GPR153: variants seen among roughly 807,000 people sequenced by gnomAD.
GPR153 encodes the protein probable G protein-coupled receptor 153.
In GPR153, 27 loss-of-function variants were observed where a neutral mutation model predicts 34.1. That is an observed-to-expected ratio of 0.79 (90% CI 0.58 to 1.09). The LOEUF is 1.09. GPR153 is among the 50% of genes least tolerant of loss of function. The pLI is 0.00. For synonymous variants in GPR153, 408 were observed against 405.4 expected (o/e 1.01, Z -0.08); for missense variants, 848 against 860.2 (o/e 0.99, Z 0.18).
At chr1:6,258,188 G>T (rs1186796173) in intron 1 of GPR153, among the ~76,000 whole-genome samples, 2 of 152,076 alleles carry the variant, frequency 1.3e-5, no homozygotes, top group African/African-American at 4.8e-5. Context: ...ATTACCCAGG[G>T]TGGATCTCGG....
rs1177896002 is a variant in GPR153, at chr1:6,249,075, G to A, written c.*263C>T. 8.8e-6 allele frequency: 3 copies of A among 342,442 alleles called. No individual in the cohort carries two copies. The highest frequency in any genetic ancestry group is 7.7e-4 in the Middle Eastern group (1 of 1,306). 21.2% of individuals were successfully genotyped at this position (342,442 alleles called of 1,614,324 possible). A position where few individuals can be genotyped will look rare whatever the true frequency, so the allele number is the denominator to read the frequency against. On this transcript the variant is annotated 3_prime_UTR_variant, in exon 6 of 6. Coordinates refer to ENST00000377893, the MANE Select transcript of GPR153 (RefSeq NM_207370.4). This position sits in a 1 kb window ranked among gnomAD's most constrained non-coding sequence, Gnocchi z 4.3. ...CATGTCACTCACTACCCAAGCCCAAGCTTGGGATGTCACTCAGCTCCCCAG... is the reference window on the plus strand; with the variant it reads ...CATGTCACTCACTACCCAAGCCCAAACTTGGGATGTCACTCAGCTCCCCAG...
chr1:6,249,353 C>G lies in GPR153; in HGVS notation c.1815G>C (p.Leu605=). Residue 605 remains leucine (L), a synonymous_variant, in exon 6 of 6, where the codon CTG becomes CTC. Transcript: ENST00000377893. The surrounding 1 kb of genome is among the most constrained non-coding windows in gnomAD (Gnocchi z 4.3). ...GCCGGCGGTCCTAGGACGCGGAGCCCAGCGAGTCCGAGTGCAGCGTGGCGT... is the reference window on the plus strand; with the variant it reads ...GCCGGCGGTCCTAGGACGCGGAGCCGAGCGAGTCCGAGTGCAGCGTGGCGT... ...SGYATLHSDS[L]GSAS is the part of the protein sequence containing the mutation. The G allele has an allele frequency of 7.6e-7, 1 of 1,321,600 alleles. No homozygotes were observed. The highest frequency in any genetic ancestry group is 3.0e-5 in the East Asian group (1 of 32,944). 81.9% of individuals were successfully genotyped at this position (1,321,600 alleles called of 1,614,324 possible). A position where few individuals can be genotyped will look rare whatever the true frequency, so the allele number is the denominator to read the frequency against.
intron 1 of GPR153, among the ~76,000 whole-genome samples, chr1:6,257,382 G>A (rs1638589336): frequency 6.6e-6 from 1 of 152,216 alleles, no homozygotes. Context: ...CCTGAGAGGG[G>A]GCAGGCAGTC....
At chr1:6,256,163 G>T (rs947730213) in intron 1 of GPR153, among the ~76,000 whole-genome samples, 1 of 152,044 alleles carries the variant, frequency 6.6e-6, no homozygotes, top group African/African-American at 2.4e-5. Flanking sequence ...TTCCAGGAGT[G>T]AGTTCTCTCT....
Position 6,251,762 on chromosome 1 carries a change from C to T in GPR153, c.787-232G>A, listed in dbSNP as rs1638454470. Among the ~76,000 whole-genome samples, 1 of 152,184 alleles carries T rather than the reference C, an allele frequency of 6.6e-6. No homozygotes were observed. Among genetic ancestry groups the T allele is most frequent in the African/African-American group, 2.4e-5 (1 of 41,446 alleles). Reference sequence around the variant, plus strand: ...TGGCCTTGCTCTGTCTTCCTCCTGGCTGCCCATGGAGAGAAGTGGGGCATG... The same window carrying T: ...TGGCCTTGCTCTGTCTTCCTCCTGGTTGCCCATGGAGAGAAGTGGGGCATG... On this transcript the variant is annotated intron_variant, in intron 3 of 5. Coordinates refer to ENST00000377893, the MANE Select transcript of GPR153 (RefSeq NM_207370.4). The surrounding 1 kb of genome is among the most constrained non-coding windows in gnomAD (Gnocchi z 4.9).
chr1:6,253,645 C>T, intron 3 of GPR153, 73 bp downstream of exon 3: 1 of 1,344,002 alleles, frequency 7.4e-7, no homozygotes, highest in South Asian at 1.5e-5. Context: ...GACTCAACCA[C>T]CTGATGCCTG....
chr1:6,249,550 G>T lies in GPR153; in HGVS notation c.1618C>A (p.Pro540Thr). The change falls in exon 6 of 6, where the codon CCC becomes ACC. Residue 540 changes from proline to threonine, a missense_variant. Transcript: ENST00000377893. This position sits in a 1 kb window ranked among gnomAD's most constrained non-coding sequence, Gnocchi z 4.3. Reference sequence around the variant, plus strand: ...GGGCTCCGCTGGGCGCTGCTTGGGGGCGTCGGGGCCTCTCCGGGATCTGCG... The same window carrying T: ...GGGCTCCGCTGGGCGCTGCTTGGGGTCGTCGGGGCCTCTCCGGGATCTGCG... Reference protein sequence around the residue: ...DGADPGEAPTPPSSAQRSPGP... With the variant: ...DGADPGEAPTTPSSAQRSPGP... 2 of 1,194,976 alleles carry T rather than the reference G, an allele frequency of 1.7e-6. No homozygotes were observed. Among genetic ancestry groups the T allele is most frequent in the Admixed American group, 9.0e-5 (2 of 22,244 alleles). 74.0% of individuals were successfully genotyped at this position (1,194,976 alleles called of 1,614,324 possible). A position where few individuals can be genotyped will look rare whatever the true frequency, so the allele number is the denominator to read the frequency against.
chr1:6,254,183 G>A (rs370178416), intron 2 of GPR153, 36 bp from the exon 3 acceptor site: 116 of 1,572,132 alleles, frequency 7.4e-5, no homozygotes, highest in Non-Finnish European at 9.3e-5. Flanking sequence ...GGGATCTGGC[G>A]TCACCCACAG....
At position 6,249,717 on chromosome 1, in the gene GPR153, C is replaced by T; in HGVS notation, c.1451G>A (p.Arg484His). Reference protein sequence around the residue: ...GARDSPPGSPRRRPGPGPRSA... With the variant: ...GARDSPPGSPHRRPGPGPRSA... ...GCGGGGGCCGGGCCCGGGGCGGCGG[C>T]GCGGGCTGCCGGGGGGCGAGTCGCG... is the stretch of plus-strand genomic sequence containing the variant. Residue 484 changes from arginine to histidine, a missense_variant, in exon 6 of 6, where the codon CGC becomes CAC. Arg to His is a conservative substitution (Grantham distance 29, BLOSUM62 0). Transcript: ENST00000377893. The surrounding 1 kb of genome is among the most constrained non-coding windows in gnomAD (Gnocchi z 4.3). 1 of 1,035,574 alleles carries T rather than the reference C, an allele frequency of 9.7e-7. No individual in the cohort carries two copies. The highest frequency in any genetic ancestry group is 1.2e-6 in the Non-Finnish European group (1 of 864,908). 64.1% of individuals were successfully genotyped at this position (1,035,574 alleles called of 1,614,324 possible). A position where few individuals can be genotyped will look rare whatever the true frequency, so the allele number is the denominator to read the frequency against.
Position 6,249,590 on chromosome 1 carries a change from G to C in GPR153, c.1578C>G (p.Pro526=), listed in dbSNP as rs1028554828. 239 of 1,160,588 alleles carry C rather than the reference G, an allele frequency of 2.1e-4. No individual in the cohort carries two copies. The African/African-American group carries it at 3.6e-3, about 17-fold the overall frequency. The allele number at this position is 1,160,588 out of a possible 1,614,324, so 71.9% of individuals were successfully genotyped here. The change falls in exon 6 of 6, where the codon CCC becomes CCG. Residue 526 remains proline (P), a synonymous_variant. Transcript: ENST00000377893. The surrounding 1 kb of genome is among the most constrained non-coding windows in gnomAD (Gnocchi z 4.3). ...CGGGATCTGCGCCGTCGGGGGCGGCGGGCGCAGCGGGGAAGGGCCCGGGCG... is the reference window on the plus strand; with the variant it reads ...CGGGATCTGCGCCGTCGGGGGCGGCCGGCGCAGCGGGGAAGGGCCCGGGCG... ...RRPPGPFPAA[P]AAPDGADPGE...
chr1:6,250,643 G>A lies in GPR153; in HGVS notation c.980-19C>T. 1 of 184,312 alleles carries A rather than the reference G, an allele frequency of 5.4e-6. No homozygotes were observed. The highest frequency in any genetic ancestry group is 2.1e-4 in the East Asian group (1 of 4,764). The allele number at this position is 184,312 out of a possible 1,614,324, so 11.4% of individuals were successfully genotyped here. A position where few individuals can be genotyped will look rare whatever the true frequency, so the allele number is the denominator to read the frequency against. On this transcript the variant is annotated intron_variant, in intron 4 of 5. Transcript: ENST00000377893. ...CTGGTCTCTGTAGGGTGGGGGGTGGGTGGGGGGGCAGAGCCTTAGGGTCAT... is the reference window on the plus strand; with the variant it reads ...CTGGTCTCTGTAGGGTGGGGGGTGGATGGGGGGGCAGAGCCTTAGGGTCAT...
In GPR153 at chr1:6,247,733, G is replaced by A. The variant is rs1638332586; in HGVS notation, c.*1605C>T. Reference sequence around the variant, plus strand: ...AGACACTGGCTAGCTGGCGACCTCTGCCCCTACGTAACTTGTCAGTCCTTG... The same window carrying A: ...AGACACTGGCTAGCTGGCGACCTCTACCCCTACGTAACTTGTCAGTCCTTG... On this transcript the variant is annotated 3_prime_UTR_variant, in exon 6 of 6. Transcript: ENST00000377893. The A allele has an allele frequency of 6.6e-6, 1 of 152,288 alleles. No individual in the cohort carries two copies. The highest frequency in any genetic ancestry group is 2.1e-4 in the South Asian group (1 of 4,832). The allele number at this position is 152,288 out of a possible 1,614,324, so 9.4% of individuals were successfully genotyped here. A position where few individuals can be genotyped will look rare whatever the true frequency, so the allele number is the denominator to read the frequency against.
intron 1 of GPR153, among the ~76,000 whole-genome samples, chr1:6,260,180 T>C (rs559853930): frequency 3.3e-5 from 5 of 152,028 alleles, no homozygotes; most frequent in Non-Finnish European, 5.9e-5. Context: ...ACCCAGAACT[T>C]GAAAGGATTC....
intron 5 of GPR153, 66 bp from the exon 6 acceptor site, chr1:6,250,069 C>A: frequency 7.9e-7 from 1 of 1,267,228 alleles, no homozygotes; most frequent in East Asian, 3.1e-5. Flanking sequence ...AACCCTTCTC[C>A]ACCCTGGGGA....
chr1:6,256,672 A>G (rs1262057209), intron 1 of GPR153, among the ~76,000 whole-genome samples: 1 of 152,042 alleles, frequency 6.6e-6, no homozygotes, highest in Non-Finnish European at 1.5e-5. Context: ...GCCTGGCCTT[A>G]TTTTTATATT....
In GPR153 at chr1:6,254,049, G is replaced by A; in HGVS notation, c.455C>T (p.Thr152Ile). The A allele has an allele frequency of 1.2e-6, 2 of 1,613,520 alleles. No individual in the cohort carries two copies. Among genetic ancestry groups the A allele is most frequent in the Non-Finnish European group, 1.7e-6 (2 of 1,180,010 alleles). ...SALPAVGWHD[T>I]SERFYTHGCR... ...GCCATGGGTGTAGAAGCGCTCGCTG[G>A]TGTCGTGCCAGCCAACGGCAGGCAG... Residue 152 changes from threonine to isoleucine, a missense_variant, in exon 3 of 6, where the codon ACC becomes ATC. By Grantham distance (89) the Thr-to-Ile change is moderately conservative. Transcript: ENST00000377893.
chr1:6,251,397 AGGTCAGCCCGGTAGC>A lies in GPR153; in HGVS notation c.905_919del (p.Arg302_Asp306del). 1 of 1,613,548 alleles carries A rather than the reference AGGTCAGCCCGGTAGC, an allele frequency of 6.2e-7. No homozygotes were observed. Among genetic ancestry groups the A allele is most frequent in the Non-Finnish European group, 8.5e-7 (1 of 1,179,918 alleles). ...CATGCACTTCTCCCGGACAGCTTTG[AGGTCAGCCCGGTAGC>A]GGTCGCAGGCCCAGAGGAACACAGG... On this transcript the variant is annotated inframe_deletion, in exon 4 of 6. Coordinates refer to ENST00000377893, the MANE Select transcript of GPR153 (RefSeq NM_207370.4). The surrounding 1 kb of genome is among the most constrained non-coding windows in gnomAD (Gnocchi z 4.9).
In GPR153 at chr1:6,249,765, A is replaced by G. The variant is rs1298923961; in HGVS notation, c.1403T>C (p.Leu468Pro). The G allele has an allele frequency of 2.6e-6, 3 of 1,133,714 alleles. No homozygotes were observed. The highest frequency in any genetic ancestry group is 1.7e-5 in the African/African-American group (1 of 60,416). 70.2% of individuals were successfully genotyped at this position (1,133,714 alleles called of 1,614,324 possible). The part of the protein sequence containing the change: ...ESLLSLRPSA[L>P]DSGPRGARDS... ...GCGGGCTCCCCGCGGGCCGCTATCC[A>G]GGGCCGAGGGCCGCAGCGACAGCAG... The change falls in exon 6 of 6, where the codon CTG (leucine) becomes CCG (proline). Residue 468 changes from leucine to proline, a missense_variant. Transcript: ENST00000377893. This position sits in a 1 kb window ranked among gnomAD's most constrained non-coding sequence, Gnocchi z 4.3.
chr1:6,255,432 C>T (rs1192001572), intron 1 of GPR153, among the ~76,000 whole-genome samples: 3 of 151,386 alleles, frequency 2.0e-5, no homozygotes, highest in Non-Finnish European at 2.9e-5. Context: ...CTCCTGACCT[C>T]GTAATCTGCC....
Sources: allele counts gnomAD v4.1 joint callset (sites outside exome capture counted in the v4.1 genomes callset), GRCh38; gene constraint gnomAD v4.1.1; non-coding constraint Gnocchi (gnomAD v3.1); transcripts MANE v1.5; gene names NCBI Gene and HGNC (gene_info 2026-07-23, HGNC 2026-07-21).